Variants in NMT1 observed in about 807,000 individuals in gnomAD.
The protein encoded by NMT1 is N-myristoyltransferase 1.
In NMT1, 12 loss-of-function variants were observed where a neutral mutation model predicts 63.4. The observed-to-expected ratio is 0.19, with a 90% CI of 0.12 to 0.31. The LOEUF is 0.31. NMT1 is among the 10% of genes least tolerant of loss of function. The pLI, the probability that NMT1 is intolerant of heterozygous loss-of-function variation, is 1.00. For missense variants in NMT1, 432 were observed against 634.6 expected (o/e 0.68, Z 3.43); for synonymous variants, 228 against 234.3 (o/e 0.97, Z 0.25).
In NMT1 at chr17:45,076,781, T is replaced by C. The variant is rs555790146; in HGVS notation, c.132-4863T>C. On this transcript the variant is annotated intron_variant, in intron 1 of 11. Coordinates refer to ENST00000258960, the MANE Select transcript of NMT1 (RefSeq NM_021079.5). ...AAAAAAAAGAAAAGAAAAAACAACT[T>C]CCCTGTGTTCTTCAGCCGTGTGCTT... Among the ~76,000 whole-genome samples the C allele has an allele frequency of 4.6e-5, 7 of 152,066 alleles. 1 individual carries two copies. The South Asian group carries it at 1.2e-3, about 27-fold the overall frequency.
At chr17:45,062,041 T>C (rs886511868) in intron 1 of NMT1, 1 of 152,332 alleles carries the variant, frequency 6.6e-6, no homozygotes, top group Non-Finnish European at 1.5e-5. Context: ...AAATAATCCA[T>C]AAGTATCCTG....
chr17:45,062,702 G>A (rs555022819), intron 1 of NMT1, among the ~76,000 whole-genome samples: 42 of 152,244 alleles, frequency 2.8e-4, no homozygotes, highest in African/African-American at 9.4e-4. Context: ...TTACTGTAAT[G>A]TACACCATAT....
chr17:45,061,502 C>T, intron 1 of NMT1, 42 bp downstream of exon 1: 1 of 1,584,476 alleles, frequency 6.3e-7, no homozygotes, highest in Non-Finnish European at 8.6e-7. Context: ...CAGCCTCCCA[C>T]AACCTGGGTC....
intron 4 of NMT1, among the ~76,000 whole-genome samples, chr17:45,095,169 C>T (rs1467311027): frequency 1.4e-5 from 2 of 146,542 alleles, no homozygotes; most frequent in Non-Finnish European, 3.0e-5. Flanking sequence ...TGCAATGGCA[C>T]AATCTTGGCT....
intron 3 of NMT1, among the ~76,000 whole-genome samples, chr17:45,087,203 C>CA (rs1335968771): frequency 6.6e-6 from 1 of 151,588 alleles, no homozygotes; most frequent in South Asian, 2.1e-4. Flanking sequence ...AAAAACAAAA[C>CA]AAAACTATTG....
chr17:45,075,197 C>CA (rs2053969632), intron 1 of NMT1, among the ~76,000 whole-genome samples: 1 of 152,016 alleles, frequency 6.6e-6, no homozygotes, highest in Non-Finnish European at 1.5e-5. Context: ...CAAAAATGAA[C>CA]AAACAGCCAG....
intron 1 of NMT1, chr17:45,071,559 A>C (rs1367288050): frequency 3.9e-5 from 6 of 152,194 alleles, no homozygotes; most frequent in Non-Finnish European, 2.9e-5. Flanking sequence ...TAAAAGTAAA[A>C]AGCAAGTGGC....
At chr17:45,061,518 G>C (rs926407215) in intron 1 of NMT1, 58 bp downstream of exon 1, 1 of 1,542,508 alleles carries the variant, frequency 6.5e-7, no homozygotes. Context: ...GGGTCTCTGG[G>C]GTGCGGGGAA....
chr17:45,105,805 T>C lies in NMT1; in HGVS notation c.*166T>C, dbSNP rs1008191100. ...AGCGAACTTGACAATTGTATTGCGATGGCGTGGGCTGCGTGACGTCACCTC... is the reference window on the plus strand; with the variant it reads ...AGCGAACTTGACAATTGTATTGCGACGGCGTGGGCTGCGTGACGTCACCTC... On this transcript the variant is annotated 3_prime_UTR_variant, in exon 12 of 12. Transcript: ENST00000258960. This position sits in a 1 kb window ranked among gnomAD's most constrained non-coding sequence, Gnocchi z 4.2. 1.4e-5 allele frequency: 9 copies of C among 621,118 alleles called. No individual in the cohort carries two copies. The highest frequency in any genetic ancestry group is 2.2e-5 in the Non-Finnish European group (8 of 364,772). 38.5% of individuals were successfully genotyped at this position (621,118 alleles called of 1,614,324 possible). A position where few individuals can be genotyped will look rare whatever the true frequency, so the allele number is the denominator to read the frequency against.
At chr17:45,075,692 C>T (rs1189553296) in intron 1 of NMT1, among the ~76,000 whole-genome samples, 1 of 150,908 alleles carries the variant, frequency 6.6e-6, no homozygotes, top group Non-Finnish European at 1.5e-5. Context: ...AATCGCTGAA[C>T]CCAGGAGGCG....
intron 1 of NMT1, 69 bp from the exon 2 acceptor site, chr17:45,081,575 C>G: frequency 7.4e-7 from 1 of 1,351,410 alleles, no homozygotes; most frequent in South Asian, 1.3e-5. Flanking sequence ...CCACAGAAAG[C>G]TCTTTGTCAG....
At chr17:45,061,611 CT>C in intron 1 of NMT1, 151 bp downstream of exon 1, 1 of 657,170 alleles carries the variant, frequency 1.5e-6, no homozygotes, top group Non-Finnish European at 2.6e-6. Context: ...TGGTTATTGC[CT>C]TTGTCATTTA....
At chr17:45,097,815 G>C (rs1264143577) in intron 6 of NMT1, among the ~76,000 whole-genome samples, 3 of 152,154 alleles carry the variant, frequency 2.0e-5, no homozygotes, top group Admixed American at 2.0e-4. Context: ...TGGCTAATCA[G>C]AGGCTCATTT....
At chr17:45,063,639 T>C (rs1212208447) in intron 1 of NMT1, among the ~76,000 whole-genome samples, 5 of 152,240 alleles carry the variant, frequency 3.3e-5, no homozygotes, top group South Asian at 4.1e-4. Flanking sequence ...CTCACACCTG[T>C]AATCCCAGCA....
intron 1 of NMT1, among the ~76,000 whole-genome samples, chr17:45,073,510 T>C (rs951159247): frequency 2.6e-5 from 4 of 152,132 alleles, no homozygotes; most frequent in Non-Finnish European, 5.9e-5. Context: ...TTAAGTGTTT[T>C]AGGAGATTAT....
Position 45,104,047 on chromosome 17 carries a change from G to T in NMT1, c.1332+171G>T. On this transcript the variant is annotated intron_variant, in intron 10 of 11. Transcript: ENST00000258960. This position sits in a 1 kb window ranked among gnomAD's most constrained non-coding sequence, Gnocchi z 4.2. ...TTTTTAGGCAGAAACTCAAAACTTGGAGGGAACAAGGAGCATCCGAAGTGA... is the reference window on the plus strand; with the variant it reads ...TTTTTAGGCAGAAACTCAAAACTTGTAGGGAACAAGGAGCATCCGAAGTGA... 3 of 1,558,926 alleles carry T rather than the reference G, an allele frequency of 1.9e-6. 1 individual carries two copies. Among genetic ancestry groups the T allele is most frequent in the Non-Finnish European group, 2.6e-6 (3 of 1,159,584 alleles).
At chr17:45,094,940 G>T (rs1195818151) in intron 4 of NMT1, among the ~76,000 whole-genome samples, 1 of 151,472 alleles carries the variant, frequency 6.6e-6, no homozygotes, top group Non-Finnish European at 1.5e-5. Flanking sequence ...AGCCTCCCAG[G>T]TAGCTGAGAT....
Position 45,105,899 on chromosome 17 carries a change from T to C in NMT1, c.*260T>C. On this transcript the variant is annotated 3_prime_UTR_variant, in exon 12 of 12. Transcript: ENST00000258960. The surrounding 1 kb of genome is among the most constrained non-coding windows in gnomAD (Gnocchi z 4.2). ...TCATGCAGCCGTGATCAAGGGAATGTAACTGCTGAAAACTAGCTCGTGATT... is the reference window on the plus strand; with the variant it reads ...TCATGCAGCCGTGATCAAGGGAATGCAACTGCTGAAAACTAGCTCGTGATT... 2.3e-6 allele frequency: 1 copy of C among 440,944 alleles called. No individual in the cohort carries two copies. The highest frequency in any genetic ancestry group is 4.0e-6 in the Non-Finnish European group (1 of 250,586). The allele number at this position is 440,944 out of a possible 1,614,324, so 27.3% of individuals were successfully genotyped here. A position where few individuals can be genotyped will look rare whatever the true frequency, so the allele number is the denominator to read the frequency against.
At position 45,066,480 on chromosome 17, in the gene NMT1, G is replaced by T. The variant is rs377011357; in HGVS notation, c.131+5020G>T. 3.9e-5 allele frequency among the ~76,000 whole-genome samples: 6 copies of T among 152,130 alleles called. No individual in the cohort carries two copies. The South Asian group carries it at 8.3e-4, about 21-fold the overall frequency. ...AATATAAAACTTCATGTGGTTGTGT[G>T]TAGTGGCTCATGCCTGTAATCTCAG... On this transcript the variant is annotated intron_variant, in intron 1 of 11. Transcript: ENST00000258960.
Sources: gnomAD v4.1 joint callset for allele counts (sites outside exome capture counted in the v4.1 genomes callset) on GRCh38, gnomAD v4.1.1 for gene constraint, Gnocchi (gnomAD v3.1) non-coding constraint, MANE v1.5 for transcripts, NCBI Gene and HGNC (gene_info 2026-07-23, HGNC 2026-07-21) for gene names.